Variants in PRSS55 observed in about 807,000 individuals in gnomAD.
PRSS55 encodes the protein serine protease 55.
In PRSS55, 41 loss-of-function variants were observed where a neutral mutation model predicts 23.6. The observed-to-expected ratio is 1.74, with a 90% confidence interval of 1.35 to 2.26. The LOEUF (loss-of-function observed/expected upper bound fraction) is 2.26. Among genes scored for constraint, PRSS55 ranks in the 30% most tolerant of loss-of-function variants. The pLI, the probability that PRSS55 is intolerant of heterozygous loss-of-function variation, is 0.00. For missense variants in PRSS55, 669 were observed against 439.1 expected (o/e 1.52, Z -4.68); for synonymous variants, 262 against 175.5 (o/e 1.49, Z -3.90).
At chr8:10,534,979 A>T (rs934964014) in intron 4 of PRSS55, among the ~76,000 whole-genome samples, 4 of 152,244 alleles carry the variant, frequency 2.6e-5, no homozygotes, top group Non-Finnish European at 4.4e-5. Context: ...ATCCGCCAAA[A>T]GAATAAAATA....
intron 4 of PRSS55, among the ~76,000 whole-genome samples, chr8:10,545,537 A>G (rs907517370): frequency 6.6e-6 from 1 of 152,238 alleles, no homozygotes; most frequent in Non-Finnish European, 1.5e-5. Context: ...TTTTCAGACC[A>G]GCAGTAGTCC....
At chr8:10,537,302 A>G (rs1812490394) in intron 4 of PRSS55, among the ~76,000 whole-genome samples, 1 of 152,232 alleles carries the variant, frequency 6.6e-6, no homozygotes, top group Non-Finnish European at 1.5e-5. Context: ...GCCATAAAAA[A>G]TGAAATCCTG....
chr8:10,539,227 G>C (rs113039161), downstream of PRSS55, among the ~76,000 whole-genome samples: 772 of 152,278 alleles, frequency 5.1e-3, 5 homozygotes, highest in Non-Finnish European at 8.5e-3. Context: ...TAGGAAGTTA[G>C]TCTCTTAGTT....
chr8:10,533,360 A>G (rs1812341241), intron 4 of PRSS55, among the ~76,000 whole-genome samples: 1 of 152,196 alleles, frequency 6.6e-6, no homozygotes, highest in East Asian at 1.9e-4. Flanking sequence ...AGGATTTGGT[A>G]TCTATATAAG....
intron 4 of PRSS55, chr8:10,553,899 A>G (rs1813004227): frequency 1.5e-6 from 2 of 1,316,240 alleles, no homozygotes; most frequent in East Asian, 2.5e-5. Flanking sequence ...TACAATAAAT[A>G]CATAAAATTT....
intron 1 of PRSS55, among the ~76,000 whole-genome samples, chr8:10,528,131 A>G (rs1690280365): frequency 6.6e-6 from 1 of 151,232 alleles, no homozygotes; most frequent in Non-Finnish European, 1.5e-5. Context: ...CCTGGGAGGC[A>G]GAGGTTGCAG....
intron 1 of PRSS55, among the ~76,000 whole-genome samples, chr8:10,528,092 TGAGGCAG>T (rs1812101858): frequency 6.6e-6 from 1 of 151,018 alleles, no homozygotes; most frequent in Non-Finnish European, 1.5e-5. Flanking sequence ...CTTGGGAAGC[TGAGGCAG>T]GAGGCAGGAG....
downstream of PRSS55, chr8:10,541,162 C>T (rs1812645321): frequency 6.6e-6 from 1 of 152,322 alleles, no homozygotes; most frequent in South Asian, 2.1e-4. Context: ...CTGACTGACT[C>T]TCCTGGGACT....
chr8:10,528,547 C>T (rs1194938969), intron 1 of PRSS55, among the ~76,000 whole-genome samples: 1 of 152,234 alleles, frequency 6.6e-6, no homozygotes, highest in Non-Finnish European at 1.5e-5. Context: ...GCATTTCCTG[C>T]CTCAGCACAG....
intron 4 of PRSS55, among the ~76,000 whole-genome samples, chr8:10,546,288 A>G (rs1035044382): frequency 1.3e-5 from 2 of 152,222 alleles, no homozygotes; most frequent in African/African-American, 4.8e-5. Flanking sequence ...AAAGCCTGCC[A>G]TACACTGAAC....
chr8:10,544,037 T>C (rs1460848310), intron 4 of PRSS55, among the ~76,000 whole-genome samples: 2 of 152,218 alleles, frequency 1.3e-5, no homozygotes, highest in Non-Finnish European at 2.9e-5. Context: ...TTATTAGGTC[T>C]AGCTGGTTTA....
At chr8:10,542,994 G>A (rs1812703486), downstream of PRSS55, among the ~76,000 whole-genome samples, 1 of 151,994 alleles carries the variant, frequency 6.6e-6, no homozygotes, top group Non-Finnish European at 1.5e-5. Context: ...TTTATTTGGG[G>A]GAACCCTCTT....
At chr8:10,543,499 G>A (rs1186651781), downstream of PRSS55, among the ~76,000 whole-genome samples, 1 of 101,632 alleles carries the variant, frequency 9.8e-6, no homozygotes, top group Non-Finnish European at 2.0e-5. Flanking sequence ...TTTTTTCCAA[G>A]GTCTTCACTC....
At chr8:10,536,943 A>C (rs748272112) in intron 4 of PRSS55, among the ~76,000 whole-genome samples, 3 of 152,260 alleles carry the variant, frequency 2.0e-5, no homozygotes, top group Non-Finnish European at 2.9e-5. Context: ...CTGGGTGATT[A>C]AATCATTTGT....
chr8:10,545,187 T>C (rs949174943), intron 4 of PRSS55: 4 of 164,828 alleles, frequency 2.4e-5, no homozygotes, highest in Non-Finnish European at 4.6e-5. Flanking sequence ...ACAAATAAAA[T>C]GCAAGCCCAC....
chr8:10,542,419 G>GGGAA (rs60800512), downstream of PRSS55, among the ~76,000 whole-genome samples: 3 of 133,504 alleles, frequency 2.2e-5, no homozygotes, highest in African/African-American at 9.3e-5. Context: ...CCATGCGGGG[G>GGGAA]AAAAAAAAAA....
chr8:10,547,002 G>C (rs1453447475), intron 4 of PRSS55, among the ~76,000 whole-genome samples: 2 of 152,186 alleles, frequency 1.3e-5, no homozygotes, highest in East Asian at 1.9e-4. Flanking sequence ...CTTTGACCAA[G>C]AGTACAGAAT....
At position 10,532,925 on chromosome 8, in the gene PRSS55, A is replaced by T. The variant is rs773954685; in HGVS notation, c.618A>T (p.Lys206Asn). Residue 206 changes from lysine to asparagine, a missense_variant, in exon 4 of 5, where the codon AAA (lysine) becomes AAT (asparagine). By Grantham distance (94) the Lys-to-Asn change is moderately conservative (BLOSUM62 0). Coordinates refer to ENST00000328655, the MANE Select transcript of PRSS55 (RefSeq NM_198464.4). The part of the protein sequence containing the change: ...QTNAADKNSV[K>N]TDLMKAPMVI... ...GGCCAGCTGACAAAAACTCTGTGAAAACGGATCTGATGAAAGCGCCAATGG... is the reference window on the plus strand; with the variant it reads ...GGCCAGCTGACAAAAACTCTGTGAATACGGATCTGATGAAAGCGCCAATGG... 1.2e-6 allele frequency: 2 copies of T among 1,614,176 alleles called. No individual in the cohort carries two copies. The highest frequency in any genetic ancestry group is 2.2e-5 in the East Asian group (1 of 44,886).
chr8:10,537,728 G>A (rs2117048217), intron 4 of PRSS55, among the ~76,000 whole-genome samples: 1 of 152,182 alleles, frequency 6.6e-6, no homozygotes, highest in East Asian at 1.9e-4. Flanking sequence ...AAACTATTAT[G>A]TACCCATAAT....
Sources: gnomAD v4.1 joint callset for allele counts (sites outside exome capture counted in the v4.1 genomes callset) on GRCh38, gnomAD v4.1.1 for gene constraint, MANE v1.5 for transcripts, NCBI Gene and HGNC (gene_info 2026-07-23, HGNC 2026-07-21) for gene names.